The following GALNT13 variants were observed in gnomAD, a reference collection of about 807,000 sequenced individuals.
The protein encoded by GALNT13 is polypeptide N-acetylgalactosaminyltransferase 13.
In GALNT13, 28 loss-of-function variants were observed where a neutral mutation model predicts 64.2. The ratio of observed to expected loss-of-function variants is 0.44; its 90% CI spans 0.32 to 0.60. The LOEUF (loss-of-function observed/expected upper bound fraction) is 0.60. GALNT13 is among the 20% of genes least tolerant of loss of function. GALNT13 has a pLI of 0.05. For synonymous variants in GALNT13, 214 were observed against 224.6 expected (o/e 0.95, Z 0.42); for missense variants, 577 against 669.8 (o/e 0.86, Z 1.53).
At chr2:153,729,078 A>G in the GALNT13 span, among the ~76,000 whole-genome samples, 2 of 152,166 alleles carry the variant, frequency 1.3e-5, no homozygotes, top group Admixed American at 6.5e-5. Flanking sequence ...AGCTGGTACC[A>G]TTCCTTCTGA....
intron 11 of GALNT13, among the ~76,000 whole-genome samples, chr2:154,430,167 G>A (rs148368317): frequency 1.4e-3 from 209 of 152,232 alleles, no homozygotes; most frequent in African/African-American, 4.1e-3. Context: ...TAAGAAATAC[G>A]TCTTCTAAAG....
the GALNT13 span, among the ~76,000 whole-genome samples, chr2:153,349,262 A>T: frequency 1.3e-5 from 2 of 151,976 alleles, no homozygotes; most frequent in Non-Finnish European, 2.9e-5. Flanking sequence ...TTCTTTTGAA[A>T]ACTCTGAATA....
chr2:153,351,130 C>T, the GALNT13 span, among the ~76,000 whole-genome samples: 2 of 152,066 alleles, frequency 1.3e-5, no homozygotes, highest in African/African-American at 4.8e-5. Context: ...AAATAGAAAA[C>T]ATTCTGAATA....
the GALNT13 span, among the ~76,000 whole-genome samples, chr2:153,297,434 A>G: frequency 6.6e-6 from 1 of 152,214 alleles, no homozygotes; most frequent in Non-Finnish European, 1.5e-5. Flanking sequence ...AAGAGGCATA[A>G]AATTGCAGAG....
chr2:154,289,665 G>A (rs1019503219), intron 8 of GALNT13, among the ~76,000 whole-genome samples: 3 of 152,178 alleles, frequency 2.0e-5, no homozygotes, highest in African/African-American at 7.2e-5. Context: ...AATGTGATTT[G>A]GGTAGGGACA....
chr2:153,378,263 GA>G, the GALNT13 span, among the ~76,000 whole-genome samples: 1 of 23,940 alleles, frequency 4.2e-5, no homozygotes, highest in Non-Finnish European at 9.7e-5. Context: ...ATTATAGATA[GA>G]TAGATAGATA....
At chr2:154,059,199 T>C (rs961503179) in intron 3 of GALNT13, among the ~76,000 whole-genome samples, 1 of 152,076 alleles carries the variant, frequency 6.6e-6, no homozygotes, top group Non-Finnish European at 1.5e-5. Flanking sequence ...CCTAACCTGC[T>C]GTTATTCATC....
At chr2:153,994,014 C>T (rs1695345402) in intron 3 of GALNT13, among the ~76,000 whole-genome samples, 1 of 152,070 alleles carries the variant, frequency 6.6e-6, no homozygotes, top group Admixed American at 6.6e-5. Flanking sequence ...GTGCTGCACC[C>T]ATTAACTCAT....
chr2:153,082,596 TATATATATATATATATATATATAC>T, the GALNT13 span, among the ~76,000 whole-genome samples: 1 of 45,484 alleles, frequency 2.2e-5, no homozygotes, highest in Non-Finnish European at 4.2e-5. Context: ...TATATATATA[TATATATATATATATATATATATAC>T]ACACACACAC....
chr2:153,555,356 G>A, the GALNT13 span, among the ~76,000 whole-genome samples: 8 of 136,580 alleles, frequency 5.9e-5, no homozygotes, highest in African/African-American at 8.5e-5. Context: ...TACCACGCCC[G>A]GCTAATTTTT....
intron 9 of GALNT13, among the ~76,000 whole-genome samples, chr2:154,387,059 A>G (rs1698547199): frequency 6.6e-6 from 1 of 152,112 alleles, no homozygotes; most frequent in Non-Finnish European, 1.5e-5. Flanking sequence ...GTAAATGATA[A>G]ATTCAACACA....
the GALNT13 span, among the ~76,000 whole-genome samples, chr2:153,209,496 T>C: frequency 6.6e-6 from 1 of 152,238 alleles, no homozygotes; most frequent in East Asian, 1.9e-4. Context: ...TGTGTGTTTC[T>C]GGATTCTGAT....
intron 3 of GALNT13, among the ~76,000 whole-genome samples, chr2:154,043,414 T>TTTTATA (rs1558926847): frequency 2.6e-5 from 2 of 78,250 alleles, no homozygotes; most frequent in Admixed American, 1.4e-4. Flanking sequence ...ATAAGGACTT[T>TTTTATA]TATATATATA....
chr2:153,736,154 C>T, the GALNT13 span, among the ~76,000 whole-genome samples: 2 of 152,146 alleles, frequency 1.3e-5, no homozygotes, highest in East Asian at 3.8e-4. Context: ...CTTCAGTTGG[C>T]ACTCCATCCA....
the GALNT13 span, among the ~76,000 whole-genome samples, chr2:153,499,386 G>T: frequency 6.6e-6 from 1 of 152,214 alleles, no homozygotes; most frequent in African/African-American, 2.4e-5. Flanking sequence ...GACATGGGTG[G>T]GTCTGGAAAA....
the GALNT13 span, among the ~76,000 whole-genome samples, chr2:153,774,442 G>T: frequency 6.6e-6 from 1 of 152,026 alleles, no homozygotes; most frequent in Non-Finnish European, 1.5e-5. Flanking sequence ...ATATCAGTTG[G>T]GTTTTATATA....
the GALNT13 span, among the ~76,000 whole-genome samples, chr2:153,108,981 T>A: frequency 6.6e-6 from 1 of 152,158 alleles, no homozygotes; most frequent in Non-Finnish European, 1.5e-5. Flanking sequence ...GGAGCCTCAA[T>A]TGAAGCCAGA....
the GALNT13 span, among the ~76,000 whole-genome samples, chr2:153,089,429 G>C: frequency 1.3e-5 from 2 of 152,084 alleles, no homozygotes; most frequent in African/African-American, 4.8e-5. Context: ...CTTGACTTTA[G>C]ATAACCTGAT....
intron 9 of GALNT13, among the ~76,000 whole-genome samples, chr2:154,346,936 G>C (rs1005796832): frequency 1.3e-4 from 19 of 151,962 alleles, no homozygotes; most frequent in African/African-American, 4.3e-4. Flanking sequence ...ACAACCGTGG[G>C]TTTCATGTGT....
Sources: allele counts gnomAD v4.1 joint callset (sites outside exome capture counted in the v4.1 genomes callset), GRCh38; gene constraint gnomAD v4.1.1; transcripts MANE v1.5; gene names NCBI Gene and HGNC (gene_info 2026-07-23, HGNC 2026-07-21).